Variants in MMP20 observed in about 807,000 individuals in gnomAD.
MMP20 encodes matrix metallopeptidase 20.
In MMP20, 50 loss-of-function variants were observed where a neutral mutation model predicts 51.8. The observed-to-expected ratio is 0.97, with a 90% CI of 0.77 to 1.22. The LOEUF is 1.22. Among genes scored for constraint, MMP20 ranks in the 50% most tolerant of loss-of-function variants. The pLI, the probability that MMP20 is intolerant of heterozygous loss-of-function variation, is 0.00. For synonymous variants in MMP20, 244 were observed against 216.2 expected (o/e 1.13, Z -1.13); for missense variants, 663 against 601.4 (o/e 1.10, Z -1.07).
rs1308900120 is a variant in MMP20, at chr11:102,577,328, A to G, written c.1450T>C (p.Ter484GlnextTer10). Residue 484 changes from the stop codon to glutamine, a stop_lost, in exon 10 of 10, where the codon TAA becomes CAA. Transcript: ENST00000260228. ...VVKSSSWIGC* is the reference protein window; with the variant it reads ...VVKSSSWIGCQ ...TTGAGAAGACTAGGCTTTTCTATTTAGCAACCAATCCAGGAACTAGATTTC... is the reference window on the plus strand; with the variant it reads ...TTGAGAAGACTAGGCTTTTCTATTTGGCAACCAATCCAGGAACTAGATTTC... 3.7e-6 allele frequency: 6 copies of G among 1,608,842 alleles called. No individual in the cohort carries two copies. Among genetic ancestry groups the G allele is most frequent in the Non-Finnish European group, 5.1e-6 (6 of 1,175,208 alleles).
intron 3 of MMP20, among the ~76,000 whole-genome samples, chr11:102,610,877 C>T (rs1859590331): frequency 6.6e-6 from 1 of 151,958 alleles, no homozygotes; most frequent in Non-Finnish European, 1.5e-5. Context: ...GCAGCACAGT[C>T]CCTGGTTGGC....
At chr11:102,593,673 G>T (rs1053019676) in intron 7 of MMP20, 78 bp from the exon 8 acceptor site, 35 of 1,495,392 alleles carry the variant, frequency 2.3e-5, no homozygotes, top group Non-Finnish European at 3.2e-5. Flanking sequence ...TTCTATGAAG[G>T]CTCTTAAATG....
chr11:102,592,095 A>G (rs755921999), intron 8 of MMP20, among the ~76,000 whole-genome samples: 9 of 152,194 alleles, frequency 5.9e-5, no homozygotes, highest in Non-Finnish European at 1.3e-4. Context: ...TTCTCTGAAA[A>G]TTCACCAGGG....
intron 8 of MMP20, among the ~76,000 whole-genome samples, chr11:102,588,497 C>T (rs545678523): frequency 6.6e-6 from 1 of 152,174 alleles, no homozygotes; most frequent in Non-Finnish European, 1.5e-5. Context: ...TACAGTTTTG[C>T]TCCCACCTAC....
intron 2 of MMP20, among the ~76,000 whole-genome samples, chr11:102,614,970 C>G (rs1859648997): frequency 6.6e-6 from 1 of 151,404 alleles, no homozygotes; most frequent in African/African-American, 2.4e-5. Flanking sequence ...GCCTCATGAA[C>G]AGAGAAAATA....
chr11:102,595,894 T>C (rs139831516), intron 6 of MMP20, among the ~76,000 whole-genome samples: 72 of 152,356 alleles, frequency 4.7e-4, no homozygotes, highest in African/African-American at 1.5e-3. Flanking sequence ...ACAGGATTAT[T>C]TGGGGACTGG....
intron 6 of MMP20, among the ~76,000 whole-genome samples, chr11:102,597,618 A>C (rs1004273227): frequency 6.6e-6 from 1 of 152,226 alleles, no homozygotes; most frequent in African/African-American, 2.4e-5. Flanking sequence ...GCTCAACACA[A>C]CTAAGACTTA....
rs58212685 is a variant in MMP20 at position 102,624,401 on chromosome 11, CATATATATATAT to C, written c.126+781_126+792del. 3.8e-3 allele frequency among the ~76,000 whole-genome samples: 533 copies of C among 140,174 alleles called. 3 individuals are homozygous for C. The highest frequency in any genetic ancestry group is 0.013 in the African/African-American group (487 of 36,146). 92.0% of individuals were successfully genotyped at this position (140,174 alleles called of 152,430 possible). On this transcript the variant is annotated intron_variant, in intron 1 of 9. Transcript: ENST00000260228. ...TTTAAAAACAAAACACGCTTGGAAG[CATATATATATAT>C]ATATATATATATATATATATATATA...
rs75304905 is a variant in MMP20, at chr11:102,616,655, G to T, written c.374+157C>A. Among the ~76,000 whole-genome samples the T allele has an allele frequency of 8.6e-3, 1,312 of 152,278 alleles. 24 individuals carry two copies. Among genetic ancestry groups the T allele is most frequent in the East Asian group, 0.08 (415 of 5,182 alleles). ...CGTATTTTCTGGTGAATTGCCCATTGTCATTGCCTGACGGATGGATGTAAA... is the reference window on the plus strand; with the variant it reads ...CGTATTTTCTGGTGAATTGCCCATTTTCATTGCCTGACGGATGGATGTAAA... On this transcript the variant is annotated intron_variant, in intron 2 of 9. Transcript: ENST00000260228.
intron 9 of MMP20, 112 bp downstream of exon 9, chr11:102,578,927 A>G (rs1859161102): frequency 1.3e-6 from 1 of 782,308 alleles, no homozygotes; most frequent in East Asian, 2.5e-5. Flanking sequence ...CCTAAGACCA[A>G]ATATAAAAAC....
At chr11:102,610,115 T>C (rs1276497967) in intron 3 of MMP20, 85 bp from the exon 4 acceptor site, 3 of 1,415,932 alleles carry the variant, frequency 2.1e-6, no homozygotes, top group African/African-American at 1.4e-5. Flanking sequence ...AAGGGACATT[T>C]TGAGTAGCAT....
chr11:102,577,140 T>C lies in MMP20; in HGVS notation c.*186A>G, dbSNP rs1425247934. 1.9e-5 allele frequency: 11 copies of C among 580,420 alleles called. No homozygotes were observed. The highest frequency in any genetic ancestry group is 3.2e-4 in the Middle Eastern group (1 of 3,144). 36.0% of individuals were successfully genotyped at this position (580,420 alleles called of 1,614,324 possible). On this transcript the variant is annotated 3_prime_UTR_variant, in exon 10 of 10. Coordinates refer to ENST00000260228, the MANE Select transcript of MMP20 (RefSeq NM_004771.4). ...GTTGCCCATATAAAAACTTTTCTAA[T>C]GTGGATTGAAATTCTGATTATACAA...
intron 3 of MMP20, among the ~76,000 whole-genome samples, chr11:102,611,533 T>A (rs777053935): frequency 2.0e-5 from 3 of 152,268 alleles, no homozygotes; most frequent in Non-Finnish European, 4.4e-5. Context: ...ACAGTGAATC[T>A]ACTCTACAGC....
chr11:102,587,580 T>C (rs1008868010), intron 8 of MMP20, among the ~76,000 whole-genome samples: 1 of 152,228 alleles, frequency 6.6e-6, no homozygotes. Context: ...CATTATTGAC[T>C]TATCCCTTCA....
chr11:102,602,116 ATTTTTTTTT>A (rs10593493), intron 6 of MMP20, among the ~76,000 whole-genome samples: 30 of 109,670 alleles, frequency 2.7e-4, no homozygotes, highest in Admixed American at 3.9e-4. Flanking sequence ...CGCCCGGCTA[ATTTTTTTTT>A]TTTTTTTTTT....
chr11:102,625,091 G>A, intron 1 of MMP20, 103 bp downstream of exon 1: 1 of 1,461,794 alleles, frequency 6.8e-7, no homozygotes, highest in Non-Finnish European at 9.5e-7. Context: ...TATATAAAAT[G>A]ATTTTAAAAG....
Position 102,616,858 on chromosome 11 carries a change from G to T in MMP20, c.328C>A (p.Leu110Ile). The T allele has an allele frequency of 6.2e-7, 1 of 1,614,206 alleles. No homozygotes were observed. The highest frequency in any genetic ancestry group is 8.5e-7 in the Non-Finnish European group (1 of 1,180,038). ...CGVPDVANYR[L>I]FPGEPKWKKN... is the part of the protein sequence containing the mutation. ...TTCCATTTGGGTTCACCAGGGAAGAGGCGATAATTGGCCACATCAGGAACT... is the reference window on the plus strand; with the variant it reads ...TTCCATTTGGGTTCACCAGGGAAGATGCGATAATTGGCCACATCAGGAACT... Residue 110 changes from leucine to isoleucine, a missense_variant, in exon 2 of 10, where the codon CTC becomes ATC. Leu to Ile is a conservative substitution (Grantham distance 5). Coordinates refer to ENST00000260228, the MANE Select transcript of MMP20 (RefSeq NM_004771.4).
At chr11:102,609,802 C>T (rs528781512) in intron 4 of MMP20, 103 bp downstream of exon 4, 21 of 1,538,980 alleles carry the variant, frequency 1.4e-5, no homozygotes, top group Non-Finnish European at 1.9e-5. Flanking sequence ...AGCCAGCCCC[C>T]CTAGTTAAAG....
At chr11:102,607,914 C>T (rs1310498034) in intron 5 of MMP20, 1 of 152,130 alleles carries the variant, frequency 6.6e-6, no homozygotes, top group Admixed American at 6.5e-5. Flanking sequence ...GGCATTTTTC[C>T]TGTCCCTCAA....
Sources: allele counts gnomAD v4.1 joint callset (sites outside exome capture counted in the v4.1 genomes callset), GRCh38; gene constraint gnomAD v4.1.1; transcripts MANE v1.5; gene names NCBI Gene and HGNC (gene_info 2026-07-23, HGNC 2026-07-21).